DST: variants seen among roughly 807,000 people sequenced by gnomAD.
The protein encoded by DST is bullous pemphigoid antigen.
A neutral mutation model predicts 875.2 loss-of-function variants in DST; 253 were observed. The ratio of observed to expected loss-of-function variants is 0.29; its 90% confidence interval spans 0.26 to 0.32. The LOEUF is 0.32. DST is among the 10% of genes least tolerant of loss of function. DST has a pLI of 1.00. For synonymous variants in DST, 3,124 were observed against 3,197.1 expected (o/e 0.98, Z 0.77); for missense variants, 8,287 against 9,111.6 (o/e 0.91, Z 3.68).
chr6:56,874,979 T>C (rs1161149031), intron 3 of DST, among the ~76,000 whole-genome samples: 1 of 151,990 alleles, frequency 6.6e-6, no homozygotes, highest in Non-Finnish European at 1.5e-5. Context: ...GCCACAGATG[T>C]TTTTTGTTTT....
At chr6:56,699,193 G>A (rs879130220) in intron 9 of DST, among the ~76,000 whole-genome samples, 1 of 152,168 alleles carries the variant, frequency 6.6e-6, no homozygotes, top group Non-Finnish European at 1.5e-5. Context: ...GCACAGCTCT[G>A]CATAAAACAT....
intron 9 of DST, among the ~76,000 whole-genome samples, chr6:56,687,462 T>G (rs1038940648): frequency 6.6e-6 from 1 of 152,200 alleles, no homozygotes; most frequent in Admixed American, 6.5e-5. Flanking sequence ...TCTCTGGGCC[T>G]CAGTTTCTTC....
At chr6:56,801,638 A>G (rs527801059) in intron 4 of DST, among the ~76,000 whole-genome samples, 1 of 152,312 alleles carries the variant, frequency 6.6e-6, no homozygotes, top group East Asian at 1.9e-4. Flanking sequence ...AAGGACTTAC[A>G]TATAATGTTT....
chr6:56,873,677 T>C (rs575253965), intron 3 of DST, among the ~76,000 whole-genome samples: 1 of 152,064 alleles, frequency 6.6e-6, no homozygotes, highest in African/African-American at 2.4e-5. Context: ...CTCATGAAGA[T>C]AGAGAATTGA....
At chr6:56,699,565 C>T (rs962818566) in intron 9 of DST, 88 bp downstream of exon 9, 3 of 616,076 alleles carry the variant, frequency 4.9e-6, no homozygotes, top group Non-Finnish European at 8.3e-6. Flanking sequence ...ATTTTTCTTC[C>T]ATAGAACATG....
chr6:56,631,816 C>T, intron 29 of DST, 67 bp downstream of exon 29: 1 of 1,468,966 alleles, frequency 6.8e-7, no homozygotes, highest in South Asian at 1.1e-5. Context: ...ATTAAGAAGT[C>T]ACAAGAGTTG....
rs772859256 is a variant in DST at position 56,601,460 on chromosome 6, C to T, written c.11524G>A (p.Asp3842Asn). Residue 3842 changes from aspartate (D) to asparagine (N), a missense_variant, in exon 44 of 104, where the codon GAT becomes AAT. Around this residue, in one of 10 missense-constraint regions of DST, gnomAD observed 3,138 missense variants for 3,116.6 expected, o/e 1.01. Transcript: ENST00000680361. ...RLETQLHLEQ[D>N]LDDQKIVAER... ...AGGCAAACCTTCTGATCATCAAGATCTTGTTCTAGATGTAACTGAGTCTCT... is the reference window on the plus strand; with the variant it reads ...AGGCAAACCTTCTGATCATCAAGATTTTGTTCTAGATGTAACTGAGTCTCT... 6 of 1,595,570 alleles carry T rather than the reference C, an allele frequency of 3.8e-6. No individual in the cohort carries two copies. The East Asian group carries it at 1.4e-4, about 36-fold the overall frequency.
Position 56,608,352 on chromosome 6 carries a change from A to G in DST, c.6276T>C (p.Ile2092=). The change falls in exon 40 of 104, where the codon ATT becomes ATC. Residue 2092 remains isoleucine (I), a synonymous_variant. Coordinates refer to ENST00000680361, the MANE Select transcript of DST (RefSeq NM_001374736.1). ...PTSSSLQQEL[I]TNELAYKILN... is the part of the protein sequence containing the mutation. ...GGATTTTGTAGGCCAATTCATTTGT[A>G]ATCAATTCTTGCTGCAAGGAAGATG... 1 of 1,612,662 alleles carries G rather than the reference A, an allele frequency of 6.2e-7. No individual in the cohort carries two copies. Among genetic ancestry groups the G allele is most frequent in the South Asian group, 1.1e-5 (1 of 91,066 alleles).
chr6:56,807,107 G>C (rs2099753887), intron 4 of DST, among the ~76,000 whole-genome samples: 1 of 152,146 alleles, frequency 6.6e-6, no homozygotes, highest in South Asian at 2.1e-4. Flanking sequence ...CTGGAGTGCA[G>C]TGGCACAATC....
At chr6:56,925,939 A>G (rs1299179304) in intron 2 of DST, among the ~76,000 whole-genome samples, 1 of 152,214 alleles carries the variant, frequency 6.6e-6, no homozygotes, top group Admixed American at 6.5e-5. Flanking sequence ...CTAAATTACT[A>G]TAAAGCTACC....
At chr6:56,499,778 C>A (rs983809919) in intron 80 of DST, among the ~76,000 whole-genome samples, 16 of 152,116 alleles carry the variant, frequency 1.1e-4, no homozygotes, top group Admixed American at 2.0e-4. Context: ...AAGTTCCTAT[C>A]CTGATGTATG....
chr6:56,863,961 A>G (rs1772672959), intron 3 of DST: 1 of 152,244 alleles, frequency 6.6e-6, no homozygotes, highest in Non-Finnish European at 1.5e-5. Context: ...TTATGTGCCA[A>G]CTTGGCTAGG....
At chr6:56,517,042 T>C (rs898951520) in intron 71 of DST, among the ~76,000 whole-genome samples, 156 bp downstream of exon 71, 5 of 152,184 alleles carry the variant, frequency 3.3e-5, no homozygotes, top group African/African-American at 1.2e-4. Flanking sequence ...CTTTCACTGT[T>C]ATTCTATAAA....
At chr6:56,916,821 C>CAA (rs540124396) in intron 2 of DST, among the ~76,000 whole-genome samples, 1 of 140,686 alleles carries the variant, frequency 7.1e-6, no homozygotes, top group African/African-American at 2.7e-5. Context: ...CACACACACA[C>CAA]ACAGAGAGAC....
At chr6:56,477,195 A>G in intron 91 of DST, 150 bp downstream of exon 91, 1 of 813,880 alleles carries the variant, frequency 1.2e-6, no homozygotes, top group Middle Eastern at 2.4e-4. Flanking sequence ...AGAGATTGTA[A>G]TGCATACAAG....
At chr6:56,587,606 T>A (rs1413886649) in intron 49 of DST, among the ~76,000 whole-genome samples, 1 of 151,938 alleles carries the variant, frequency 6.6e-6, no homozygotes, top group South Asian at 2.1e-4. Context: ...AGACACATAA[T>A]TGTCAGATTC....
intron 9 of DST, among the ~76,000 whole-genome samples, chr6:56,690,859 G>A (rs1234020029): frequency 6.6e-6 from 1 of 152,206 alleles, no homozygotes; most frequent in Admixed American, 6.5e-5. Flanking sequence ...AATGTCCTAA[G>A]AGGAATAGCT....
At position 56,458,950 on chromosome 6, in the gene DST, C is replaced by T. The variant is rs1159293902; in HGVS notation, c.*55G>A. The T allele has an allele frequency of 2.1e-6, 3 of 1,461,174 alleles. No individual in the cohort carries two copies. Among genetic ancestry groups the T allele is most frequent in the Admixed American group, 2.3e-5 (1 of 43,382 alleles). 90.5% of individuals were successfully genotyped at this position (1,461,174 alleles called of 1,614,324 possible). On this transcript the variant is annotated 3_prime_UTR_variant, in exon 104 of 104. Coordinates refer to ENST00000680361, the MANE Select transcript of DST (RefSeq NM_001374736.1). ...AGAATTTCTACACCATATTTTACAT[C>T]GTTCAAACTTAAATAATAAATGCTC...
rs149517011 is a variant in DST, at chr6:56,896,889, G to A, written c.417+3532C>T. 4.1e-4 allele frequency among the ~76,000 whole-genome samples: 63 copies of A among 152,292 alleles called. No individual in the cohort carries two copies. In the East Asian group the frequency reaches 9.6e-3, roughly 23 times the overall value. On this transcript the variant is annotated intron_variant, in intron 3 of 103. Transcript: ENST00000680361. ...GTCCTTTGTCAGATGTATAGATTGTGCAGATTCTCTCCCACTTTGTGGGCT... is the reference window on the plus strand; with the variant it reads ...GTCCTTTGTCAGATGTATAGATTGTACAGATTCTCTCCCACTTTGTGGGCT...
Sources: gnomAD v4.1 joint callset for allele counts (sites outside exome capture counted in the v4.1 genomes callset) on GRCh38, gnomAD v4.1.1 for gene constraint, gnomAD v4.1.1 regional missense constraint, MANE v1.5 for transcripts, NCBI Gene and HGNC (gene_info 2026-07-23, HGNC 2026-07-21) for gene names.